The following CEP72 variants were observed in gnomAD, a reference collection of about 807,000 sequenced individuals.
The protein encoded by CEP72 is centrosomal protein of 72 kDa.
A neutral mutation model predicts 65.7 loss-of-function variants in CEP72; 78 were observed. The observed-to-expected ratio is 1.19, with a 90% CI of 0.99 to 1.43. CEP72 has a LOEUF of 1.43. Ranked by LOEUF, CEP72 falls within the 40% of genes most tolerant of loss-of-function variation. The probability of loss-of-function intolerance (pLI) is 0.00; values close to 1 mark genes in which losing one functional copy is unlikely to be tolerated. For missense variants in CEP72, 914 were observed against 832.9 expected, an observed-to-expected ratio of 1.10 and a Z score of -1.20; for synonymous variants, 358 against 351.7, an observed-to-expected ratio of 1.02 and a Z score of -0.20.
intron 9 of CEP72, chr5:641,101 C>T (rs1737983860): frequency 1.0e-6 from 1 of 985,336 alleles, no homozygotes; most frequent in African/African-American, 1.7e-5. Flanking sequence ...CTCAGCCAGG[C>T]TCCCTCCTTC....
chr5:651,031 G>A (rs1234712709), intron 11 of CEP72, among the ~76,000 whole-genome samples: 4 of 75,808 alleles, frequency 5.3e-5, no homozygotes, highest in South Asian at 4.4e-4. Flanking sequence ...ACTGTGAGGC[G>A]TGGACTGTGA....
intron 4 of CEP72, among the ~76,000 whole-genome samples, chr5:625,568 T>C (rs1736700869): frequency 6.6e-6 from 1 of 152,248 alleles, no homozygotes; most frequent in Admixed American, 6.5e-5. Flanking sequence ...CGTTTTTTGC[T>C]GACTTCTCTT....
chr5:663,218 G>A (rs1038868604), intron 1 of CEP72: 3 of 152,374 alleles, frequency 2.0e-5, no homozygotes, highest in African/African-American at 7.2e-5. Context: ...CTGTGATCGG[G>A]TGATTCCGAA....
At chr5:658,920 G>A (rs886731612), downstream of CEP72, among the ~76,000 whole-genome samples, 6 of 151,994 alleles carry the variant, frequency 3.9e-5, no homozygotes, top group East Asian at 1.9e-4. Flanking sequence ...TGCCCGCCTC[G>A]GCCTCCCAAA....
chr5:618,906 C>G lies in CEP72; in HGVS notation c.83-84C>G, dbSNP rs1579926835. On this transcript the variant is annotated intron_variant, in intron 1 of 11. Coordinates refer to ENST00000264935, the MANE Select transcript of CEP72 (RefSeq NM_018140.4). ...CCAAGAATCTGTGTCAGTTTCTACT[C>G]CATATCCAACACCAAGAACTTGACC... 2.1e-5 allele frequency: 23 copies of G among 1,081,848 alleles called. 1 individual carries two copies. Among genetic ancestry groups the G allele is most frequent in the South Asian group, 2.8e-5 (2 of 70,474 alleles). The allele number at this position is 1,081,848 out of a possible 1,614,324, so 67.0% of individuals were successfully genotyped here.
chr5:619,200 T>A, intron 2 of CEP72, 83 bp downstream of exon 2: 1 of 1,318,726 alleles, frequency 7.6e-7, no homozygotes, highest in South Asian at 1.2e-5. Flanking sequence ...GAGTCTGTTT[T>A]GTAACCCTCT....
intron 4 of CEP72, among the ~76,000 whole-genome samples, chr5:627,249 C>T (rs1014561432): frequency 6.6e-6 from 1 of 152,206 alleles, no homozygotes; most frequent in Non-Finnish European, 1.5e-5. Flanking sequence ...TGAGTTGTCA[C>T]GTTGGTGGGC....
intron 9 of CEP72, among the ~76,000 whole-genome samples, chr5:643,958 G>C (rs1738239429): frequency 6.6e-6 from 1 of 152,200 alleles, no homozygotes; most frequent in Non-Finnish European, 1.5e-5. Flanking sequence ...GAAGAGACAG[G>C]GTTCCCCCAA....
chr5:644,263 G>T, intron 9 of CEP72, 36 bp from the exon 10 acceptor site: 1 of 1,604,832 alleles, frequency 6.2e-7, no homozygotes, highest in South Asian at 1.1e-5. Context: ...TACTGAATTT[G>T]ACTTGTGCAC....
At chr5:631,877 AC>A (rs1737212620) in intron 4 of CEP72, among the ~76,000 whole-genome samples, 1 of 28,544 alleles carries the variant, frequency 3.5e-5, no homozygotes. Flanking sequence ...GCTGGATTTG[AC>A]CCAGTCCTGG....
At chr5:666,192 C>A in intron 4 of CEP72, 1 of 1,551,466 alleles carries the variant, frequency 6.4e-7, no homozygotes, top group South Asian at 1.2e-5. Flanking sequence ...ACGCGTGGGT[C>A]TGAGCAGAGC....
chr5:642,301 C>T, intron 9 of CEP72: 1 of 984,098 alleles, frequency 1.0e-6, no homozygotes, highest in African/African-American at 1.7e-5. Context: ...TATTTAAACA[C>T]ACATGGCCCC....
At chr5:659,549 GT>G (rs1739495707), downstream of CEP72, among the ~76,000 whole-genome samples, 1 of 151,468 alleles carries the variant, frequency 6.6e-6, no homozygotes, top group Admixed American at 6.5e-5. Flanking sequence ...ACATTGTCCT[GT>G]TTTGGGGGCT....
rs980554869 is a variant in CEP72, at chr5:621,337, A to T, written c.403+1076A>T. On this transcript the variant is annotated intron_variant, in intron 3 of 11. Coordinates refer to ENST00000264935, the MANE Select transcript of CEP72 (RefSeq NM_018140.4). ...CACAGAGGACAGAGCACTTTCCCCC[A>T]CTGCGAGTGCCCTGAACAGGCTGTT... Among the ~76,000 whole-genome samples the T allele has an allele frequency of 5.3e-5, 8 of 152,216 alleles. No individual in the cohort carries two copies. The East Asian group carries it at 1.2e-3, about 22-fold the overall frequency.
chr5:650,205 CTG>C (rs1237024298), intron 11 of CEP72, among the ~76,000 whole-genome samples: 7 of 113,830 alleles, frequency 6.1e-5, no homozygotes, highest in African/African-American at 1.5e-4. Context: ...GAGGCGTGGA[CTG>C]TGAGGTGTGA....
intron 1 of CEP72, among the ~76,000 whole-genome samples, chr5:615,134 C>CTTT (rs373343998): frequency 0.16 from 19,003 of 120,166 alleles, 1,920 homozygotes; most frequent in Non-Finnish European, 0.19. Context: ...TAGTCTTCCT[C>CTTT]TTTTTTTTTT....
intron 11 of CEP72, among the ~76,000 whole-genome samples, chr5:648,630 G>A (rs1388028068): frequency 2.3e-5 from 3 of 132,098 alleles, no homozygotes; most frequent in Admixed American, 7.6e-5. Context: ...ACTGTGAGGC[G>A]TGGACTGTGA....
downstream of CEP72, among the ~76,000 whole-genome samples, chr5:654,000 GTGTGTGTGTGC>G (rs1422748383): frequency 2.0e-5 from 3 of 147,014 alleles, no homozygotes; most frequent in Non-Finnish European, 4.5e-5. Flanking sequence ...TGCCCTTGCT[GTGTGTGTGTGC>G]TGTGTGTGCG....
downstream of CEP72, chr5:660,053 C>G (rs955429294): frequency 2.0e-5 from 3 of 152,330 alleles, no homozygotes; most frequent in East Asian, 5.6e-4. Flanking sequence ...CACCCCACCC[C>G]GCGGACGTCC....
Sources: gnomAD v4.1 joint callset for allele counts (sites outside exome capture counted in the v4.1 genomes callset) on GRCh38, gnomAD v4.1.1 for gene constraint, MANE v1.5 for transcripts, NCBI Gene and HGNC (gene_info 2026-07-23, HGNC 2026-07-21) for gene names.